Variants in CFAP44 observed in about 807,000 individuals in gnomAD.
CFAP44 encodes cilia and flagella associated protein 44.
CFAP44 carries 134 observed loss-of-function variants against 216.2 expected under a neutral mutation model. That is an observed-to-expected ratio of 0.62 (90% confidence interval 0.54 to 0.72). The LOEUF is 0.72. Ranked by LOEUF, CFAP44 falls within the 30% of genes least tolerant of loss-of-function variation. The pLI, the probability that CFAP44 is intolerant of heterozygous loss-of-function variation, is 0.00. For missense variants in CFAP44, 2,035 were observed against 2,182.1 expected (o/e 0.93, Z 1.34); for synonymous variants, 700 against 727.6 (o/e 0.96, Z 0.61).
At position 113,333,476 on chromosome 3, in the gene CFAP44, T is replaced by C. The variant is rs985183256; in HGVS notation, c.3545A>G (p.Tyr1182Cys). Residue 1182 changes from tyrosine to cysteine, a missense_variant, in exon 25 of 35, where the codon TAC (tyrosine) becomes TGC (cysteine). By Grantham distance (194) the Tyr-to-Cys change is radical. Coordinates refer to ENST00000393845, the MANE Select transcript of CFAP44 (RefSeq NM_001164496.2). ...TATTCTCATGTGCTCAGGTATCTTG[T>C]AGTCTGGGGCTGTCTTCAGATTGAA... ...GDFNLKTAPDYKIPEHMRINA... is the reference protein window; with the variant it reads ...GDFNLKTAPDCKIPEHMRINA... 2.0e-6 allele frequency: 3 copies of C among 1,537,152 alleles called. No individual in the cohort carries two copies. Among genetic ancestry groups the C allele is most frequent in the Non-Finnish European group, 2.6e-6 (3 of 1,146,866 alleles).
intron 22 of CFAP44, among the ~76,000 whole-genome samples, chr3:113,347,255 T>C (rs1460517641): frequency 6.6e-6 from 1 of 152,190 alleles, no homozygotes; most frequent in African/African-American, 2.4e-5. Context: ...GGAAACAGCT[T>C]CCGCTTTTGG....
chr3:113,323,348 C>T (rs188896169), intron 28 of CFAP44, among the ~76,000 whole-genome samples: 13 of 152,222 alleles, frequency 8.5e-5, no homozygotes, highest in African/African-American at 7.2e-5. Flanking sequence ...TAATCCTAAG[C>T]GAATTCACAC....
In CFAP44 at chr3:113,349,963, C is replaced by T. The variant is rs138916073; in HGVS notation, c.3066-5251G>A. Among the ~76,000 whole-genome samples the T allele has an allele frequency of 1.9e-3, 290 of 152,362 alleles. 2 individuals are homozygous for T. The highest frequency in any genetic ancestry group is 5.7e-3 in the African/African-American group (237 of 41,592). On this transcript the variant is annotated intron_variant, in intron 22 of 34. Coordinates refer to ENST00000393845, the MANE Select transcript of CFAP44 (RefSeq NM_001164496.2). ...TAGTAAGTATGCTTATCTAATCCTA[C>T]ATGCCCATTCTGCAATATGGAAAGA...
chr3:113,439,829 C>A (rs573236268), intron 1 of CFAP44, among the ~76,000 whole-genome samples: 7 of 152,190 alleles, frequency 4.6e-5, no homozygotes, highest in Non-Finnish European at 5.9e-5. Flanking sequence ...TGCTCACAAG[C>A]TCACTCAATC....
At chr3:113,370,106 A>G (rs909776857) in intron 18 of CFAP44, among the ~76,000 whole-genome samples, 33 of 152,194 alleles carry the variant, frequency 2.2e-4, no homozygotes, top group African/African-American at 7.7e-4. Flanking sequence ...CCAACCAAAA[A>G]AAGTCCAGAA....
At chr3:113,329,315 A>G (rs974030080) in intron 26 of CFAP44, among the ~76,000 whole-genome samples, 3 of 152,204 alleles carry the variant, frequency 2.0e-5, no homozygotes, top group Non-Finnish European at 4.4e-5. Context: ...TGATAACTCA[A>G]CTCTGGAAGG....
At chr3:113,308,384 A>C (rs1576540045) in intron 28 of CFAP44, 116 bp from the exon 29 acceptor site, 1 of 793,368 alleles carries the variant, frequency 1.3e-6, no homozygotes, top group Non-Finnish European at 1.9e-6. Context: ...ACTCAATATA[A>C]GAGTTTAAAA....
At chr3:113,326,350 T>A in intron 28 of CFAP44, 95 bp downstream of exon 28, 1 of 1,165,838 alleles carries the variant, frequency 8.6e-7, no homozygotes, top group Non-Finnish European at 1.1e-6. Flanking sequence ...CATGTTATAG[T>A]GAAAAAAATA....
At chr3:113,310,229 T>A (rs1300199687) in intron 28 of CFAP44, among the ~76,000 whole-genome samples, 1 of 151,810 alleles carries the variant, frequency 6.6e-6, no homozygotes, top group African/African-American at 2.4e-5. Flanking sequence ...ACTCCCAAGG[T>A]CAGTAATAAG....
intron 28 of CFAP44, among the ~76,000 whole-genome samples, chr3:113,320,424 T>A (rs1228383540): frequency 7.8e-6 from 1 of 128,482 alleles, no homozygotes. Flanking sequence ...GATATATATA[T>A]GATATATATT....
Position 113,395,822 on chromosome 3 carries a change from C to T in CFAP44, c.1818G>A (p.Arg606=), listed in dbSNP as rs1398527425. 1 of 1,613,652 alleles carries T rather than the reference C, an allele frequency of 6.2e-7. No homozygotes were observed. Among genetic ancestry groups the T allele is most frequent in the Non-Finnish European group, 8.5e-7 (1 of 1,179,876 alleles). The change falls in exon 15 of 35, where the codon AGG becomes AGA. Residue 606 remains arginine (R), a synonymous_variant. Transcript: ENST00000393845. ...TAATATAACCAATCGGCTTATAATC[C>T]CTTTCCACTTCAAAGAAGAAAACAG... ...DQTVFFFEVE[R]DYKPIGYINT... is the part of the protein sequence containing the mutation.
At chr3:113,382,898 AG>A (rs1210029597) in intron 15 of CFAP44, among the ~76,000 whole-genome samples, 6 of 152,222 alleles carry the variant, frequency 3.9e-5, no homozygotes, top group African/African-American at 1.4e-4. Flanking sequence ...GGAGAAGAAA[AG>A]TTCTAAAATG....
chr3:113,314,623 C>T (rs1394748689), intron 28 of CFAP44, among the ~76,000 whole-genome samples: 1 of 152,146 alleles, frequency 6.6e-6, no homozygotes. Context: ...TGGGTAAATA[C>T]AACAGGCTTT....
At chr3:113,368,892 G>C (rs1435246215) in intron 18 of CFAP44, among the ~76,000 whole-genome samples, 1 of 152,130 alleles carries the variant, frequency 6.6e-6, no homozygotes, top group African/African-American at 2.4e-5. Flanking sequence ...AGGGATGGAG[G>C]AAGATCTACC....
At chr3:113,327,869 AT>A (rs1274354905) in intron 26 of CFAP44, 50 bp from the exon 27 acceptor site, 9 of 1,484,188 alleles carry the variant, frequency 6.1e-6, no homozygotes, top group Non-Finnish European at 8.1e-6. Flanking sequence ...AGATAAATGC[AT>A]TTTTAAACTA....
At chr3:113,433,468 T>C (rs6808103) in intron 2 of CFAP44, 97 bp downstream of exon 2, 1 of 256,744 alleles carries the variant, frequency 3.9e-6, no homozygotes, top group African/African-American at 2.4e-5. Flanking sequence ...ATCTATTTTA[T>C]AACATCCTGC....
Position 113,379,363 on chromosome 3 carries a change from G to A in CFAP44, c.2241C>T (p.Thr747=). 6.2e-7 allele frequency: 1 copy of A among 1,612,748 alleles called. No homozygotes were observed. The highest frequency in any genetic ancestry group is 8.5e-7 in the Non-Finnish European group (1 of 1,179,142). ...AAAATCCACAGAGGATGGGAGAGGG[G>A]GTTGACGGAATAAATATTTCAGGTA... The part of the protein sequence containing the change: ...EPLPEIFIPS[T]PSPILCGFYS... Residue 747 remains threonine, a synonymous_variant, in exon 17 of 35, where the codon ACC becomes ACT. Coordinates refer to ENST00000393845, the MANE Select transcript of CFAP44 (RefSeq NM_001164496.2).
chr3:113,362,747 G>T, intron 21 of CFAP44: 1 of 354,730 alleles, frequency 2.8e-6, no homozygotes, highest in Non-Finnish European at 4.8e-6. Flanking sequence ...ATCAAATCGG[G>T]ATGACGTTTA....
intron 25 of CFAP44, 69 bp downstream of exon 25, chr3:113,333,337 G>A: frequency 1.5e-6 from 2 of 1,327,356 alleles, no homozygotes; most frequent in Non-Finnish European, 2.0e-6. Context: ...GGAAATGAGT[G>A]GTTTTAGCAG....
Sources: gnomAD v4.1 joint callset for allele counts (sites outside exome capture counted in the v4.1 genomes callset) on GRCh38, gnomAD v4.1.1 for gene constraint, MANE v1.5 for transcripts, NCBI Gene and HGNC (gene_info 2026-07-23, HGNC 2026-07-21) for gene names.